ORC1: variants seen among roughly 807,000 people sequenced by gnomAD.
ORC1 encodes the protein origin recognition complex, subunit 1 homolog.
A neutral mutation model predicts 98.9 loss-of-function variants in ORC1; 61 were observed. The ratio of observed to expected loss-of-function variants is 0.62; its 90% CI spans 0.50 to 0.76. The LOEUF is 0.76. Ranked by LOEUF, ORC1 falls within the 30% of genes least tolerant of loss-of-function variation. The probability of loss-of-function intolerance (pLI) is 0.00; values close to 1 mark genes in which losing one functional copy is unlikely to be tolerated. For missense variants in ORC1, 979 were observed against 1,072.2 expected (o/e 0.91, Z 1.21); for synonymous variants, 385 against 406.9 (o/e 0.95, Z 0.65).
upstream of ORC1, among the ~76,000 whole-genome samples, chr1:52,406,268 A>C (rs766070503): frequency 6.6e-6 from 1 of 152,164 alleles, no homozygotes; most frequent in Non-Finnish European, 1.5e-5. Flanking sequence ...CTGGGATTAC[A>C]GGCATGAGCC....
At chr1:52,392,632 T>C (rs576155459) in intron 6 of ORC1, among the ~76,000 whole-genome samples, 5 of 152,150 alleles carry the variant, frequency 3.3e-5, no homozygotes, top group African/African-American at 7.2e-5. Context: ...CAGTACAATT[T>C]GCAATTGCAA....
At chr1:52,392,628 A>G (rs1647244636) in intron 6 of ORC1, among the ~76,000 whole-genome samples, 1 of 152,198 alleles carries the variant, frequency 6.6e-6, no homozygotes, top group African/African-American at 2.4e-5. Context: ...ATAGCAGTAC[A>G]ATTTGCAATT....
At chr1:52,401,071 C>T (rs1453577868) in intron 3 of ORC1, among the ~76,000 whole-genome samples, 1 of 151,288 alleles carries the variant, frequency 6.6e-6, no homozygotes, top group Admixed American at 6.6e-5. Flanking sequence ...TCTCCCTTTC[C>T]CCCAAATTCA....
At chr1:52,405,939 G>T, upstream of ORC1, 2 of 999,456 alleles carry the variant, frequency 2.0e-6, no homozygotes, top group Non-Finnish European at 3.0e-6. Context: ...CTCATTTCTA[G>T]AGAGTTCCAC....
At position 52,375,532 on chromosome 1, in the gene ORC1, TCA is replaced by T. The variant is rs1349384630; in HGVS notation, c.2199_2200del (p.Cys733Ter). On this transcript the variant is annotated stop_gained and frameshift_variant, in exon 15 of 17. Transcript: ENST00000371568. LOFTEE classifies it high-confidence loss of function. ...GGAGTCAGGCTTCTGCTGGGAGAAC[TCA>T]CAGATCTCTGTGGCACGCCTGCAGA... 1 of 1,613,970 alleles carries T rather than the reference TCA, an allele frequency of 6.2e-7. No individual in the cohort carries two copies. The highest frequency in any genetic ancestry group is 1.3e-5 in the African/African-American group (1 of 74,918).
intron 8 of ORC1, among the ~76,000 whole-genome samples, 186 bp from the exon 9 acceptor site, chr1:52,386,135 C>T (rs1647141006): frequency 2.0e-5 from 3 of 152,100 alleles, no homozygotes; most frequent in Admixed American, 6.5e-5. Context: ...CTTTGTTCAT[C>T]GTCCAAATAT....
In ORC1 at chr1:52,388,527, C is replaced by T; in HGVS notation, c.1298G>A (p.Arg433Lys). Residue 433 changes from arginine to lysine, a missense_variant, in exon 8 of 17, where the codon AGG (arginine) becomes AAG (lysine). Arg to Lys is a conservative substitution (Grantham distance 26). Transcript: ENST00000371568. ...CCTGGACACAGTTCTGGGTGCTCTC[C>T]TTGGAAGGGGCGGTGTGGAAGCCTC... The part of the protein sequence containing the change: ...EEEASTPPLP[R>K]RAPRTVSRNL... 3 of 1,614,152 alleles carry T rather than the reference C, an allele frequency of 1.9e-6. No individual in the cohort carries two copies. The highest frequency in any genetic ancestry group is 2.5e-6 in the Non-Finnish European group (3 of 1,180,012).
upstream of ORC1, among the ~76,000 whole-genome samples, chr1:52,407,162 C>T (rs547063601): frequency 2.6e-5 from 4 of 152,222 alleles, no homozygotes; most frequent in East Asian, 3.9e-4. Flanking sequence ...GGACTACAGG[C>T]GCCCACCACT....
chr1:52,395,625 C>G (rs777232192), intron 5 of ORC1, among the ~76,000 whole-genome samples: 3 of 152,120 alleles, frequency 2.0e-5, no homozygotes, highest in Non-Finnish European at 2.9e-5. Context: ...CCAGCCTGGG[C>G]AACATGGCAA....
intron 3 of ORC1, among the ~76,000 whole-genome samples, 200 bp downstream of exon 3, chr1:52,401,162 C>A (rs1225781974): frequency 6.6e-6 from 1 of 151,924 alleles, no homozygotes; most frequent in African/African-American, 2.4e-5. Flanking sequence ...AATTATTGAG[C>A]CTTCCAGTTC....
At chr1:52,384,515 A>G in intron 11 of ORC1, 35 bp downstream of exon 11, 2 of 1,598,934 alleles carry the variant, frequency 1.3e-6, no homozygotes, top group South Asian at 1.1e-5. Flanking sequence ...ACGAAGAAAC[A>G]GCATTTTCCA....
At chr1:52,379,852 G>C (rs1381107621) in intron 14 of ORC1, among the ~76,000 whole-genome samples, 1 of 152,038 alleles carries the variant, frequency 6.6e-6, no homozygotes, top group Non-Finnish European at 1.5e-5. Flanking sequence ...AGAATGGCTT[G>C]AACAAGGGAG....
chr1:52,401,613 TG>T (rs1647711959), intron 2 of ORC1, 124 bp from the exon 3 acceptor site: 1 of 1,153,456 alleles, frequency 8.7e-7, no homozygotes, highest in Admixed American at 1.7e-5. Context: ...ACTCTCCTAC[TG>T]GGAAACCAAT....
Position 52,383,970 on chromosome 1 carries a change from G to C in ORC1, c.1756-33C>G, listed in dbSNP as rs375991771. The C allele has an allele frequency of 2.7e-5, 43 of 1,565,254 alleles. No homozygotes were observed. In the African/African-American group the frequency reaches 5.3e-4, roughly 19 times the overall value. ...AGGAGAAACACAGTTGTGAGGAACT[G>C]TAAGGGTCTTACTCCCTTGGGCTTA... On this transcript the variant is annotated intron_variant, in intron 11 of 16. Coordinates refer to ENST00000371568, the MANE Select transcript of ORC1 (RefSeq NM_004153.4).
chr1:52,405,623 A>C (rs1269109778), upstream of ORC1: 5 of 1,558,554 alleles, frequency 3.2e-6, no homozygotes, highest in African/African-American at 6.8e-5. Context: ...AACTAACTCC[A>C]CTCCAACTAG....
At chr1:52,400,338 G>A (rs1273006299) in intron 3 of ORC1, among the ~76,000 whole-genome samples, 1 of 152,190 alleles carries the variant, frequency 6.6e-6, no homozygotes, top group African/African-American at 2.4e-5. Flanking sequence ...CACATTTCAG[G>A]TGGGACAGCG....
At chr1:52,408,445 A>G (rs762347658), upstream of ORC1, 31 of 1,321,248 alleles carry the variant, frequency 2.3e-5, no homozygotes, top group South Asian at 1.9e-4. Context: ...TACCTCCACA[A>G]TTGCAGCTTT....
At chr1:52,394,889 ATCCACCCGCC>A (rs1479557964) in intron 5 of ORC1, among the ~76,000 whole-genome samples, 1 of 152,158 alleles carries the variant, frequency 6.6e-6, no homozygotes, top group African/African-American at 2.4e-5. Flanking sequence ...ACCTCAGTTG[ATCCACCCGCC>A]TCGGCCTCCA....
intron 14 of ORC1, among the ~76,000 whole-genome samples, chr1:52,376,968 C>T (rs1433032025): frequency 6.6e-6 from 1 of 152,144 alleles, no homozygotes; most frequent in Non-Finnish European, 1.5e-5. Context: ...GAAAAACGGC[C>T]TACTTGACCT....
Sources: gnomAD v4.1 joint callset for allele counts (sites outside exome capture counted in the v4.1 genomes callset) on GRCh38, gnomAD v4.1.1 for gene constraint, MANE v1.5 for transcripts, NCBI Gene and HGNC (gene_info 2026-07-23, HGNC 2026-07-21) for gene names.